Variants in CECR2 observed in about 807,000 individuals in gnomAD.
CECR2 encodes the protein chromatin remodeling regulator CECR2.
CECR2 carries 30 observed loss-of-function variants against 154.5 expected under a neutral mutation model. The ratio of observed to expected loss-of-function variants is 0.19; its 90% CI spans 0.15 to 0.26. The LOEUF (loss-of-function observed/expected upper bound fraction) is 0.26, where lower values mean the gene tolerates loss of function less well. Among genes scored for constraint, CECR2 ranks in the 10% least tolerant of loss-of-function variants. CECR2 has a pLI of 1.00. For missense variants in CECR2, 1,743 were observed against 1,829.3 expected, an observed-to-expected ratio of 0.95 and a Z score of 0.86; for synonymous variants, 725 against 683.7, an observed-to-expected ratio of 1.06 and a Z score of -0.94.
intron 1 of CECR2, among the ~76,000 whole-genome samples, chr22:17,378,431 G>A (rs2063146357): frequency 6.6e-6 from 1 of 150,672 alleles, no homozygotes; most frequent in Non-Finnish European, 1.5e-5. Flanking sequence ...TGAGTAGCTG[G>A]GACTACAGGT....
intron 1 of CECR2, among the ~76,000 whole-genome samples, chr22:17,463,292 A>G (rs954699413): frequency 1.3e-5 from 2 of 152,178 alleles, no homozygotes; most frequent in African/African-American, 2.4e-5. Flanking sequence ...TAGAGGTCAT[A>G]TAAACTTTGG....
intron 1 of CECR2, among the ~76,000 whole-genome samples, chr22:17,441,976 T>C (rs1194470313): frequency 1.3e-5 from 2 of 152,232 alleles, no homozygotes; most frequent in African/African-American, 4.8e-5. Context: ...TCTGAACATA[T>C]TTCTCTGCAG....
chr22:17,447,653 A>T (rs1356233848), intron 1 of CECR2, among the ~76,000 whole-genome samples: 2 of 76,032 alleles, frequency 2.6e-5, no homozygotes, highest in South Asian at 1.5e-3. Flanking sequence ...CCAGAGACTT[A>T]AAAAAAAAAA....
intron 1 of CECR2, among the ~76,000 whole-genome samples, chr22:17,392,910 C>T (rs1216505219): frequency 6.6e-6 from 1 of 151,954 alleles, no homozygotes; most frequent in Non-Finnish European, 1.5e-5. Context: ...TGTGGTGACA[C>T]CCGCCTGTAA....
upstream of CECR2, among the ~76,000 whole-genome samples, chr22:17,368,551 C>G (rs931814070): frequency 3.3e-5 from 5 of 152,184 alleles, no homozygotes; most frequent in Non-Finnish European, 7.3e-5. Context: ...GTTAGCATTT[C>G]TAAAGCACAC....
chr22:17,555,561 C>G lies in CECR2; in HGVS notation c.*2721C>G, dbSNP rs2056763631. ...AACCCCTAGCCCACCCATCCCCAAG[C>G]AGGATCTTCTTCTCACCTTTTCTTC... On this transcript the variant is annotated 3_prime_UTR_variant, in exon 19 of 19. Transcript: ENST00000262608. The G allele has an allele frequency of 6.6e-6, 1 of 152,280 alleles. No homozygotes were observed. The highest frequency in any genetic ancestry group is 1.5e-5 in the Non-Finnish European group (1 of 68,090). The allele number at this position is 152,280 out of a possible 1,614,324, so 9.4% of individuals were successfully genotyped here.
At chr22:17,512,121 C>G (rs763385948) in intron 8 of CECR2, among the ~76,000 whole-genome samples, 1 of 152,126 alleles carries the variant, frequency 6.6e-6, no homozygotes, top group Non-Finnish European at 1.5e-5. Flanking sequence ...GTAGGCATGT[C>G]CACATTTAAT....
intron 1 of CECR2, among the ~76,000 whole-genome samples, chr22:17,472,260 A>T (rs1286963791): frequency 1.3e-5 from 2 of 152,236 alleles, no homozygotes; most frequent in Non-Finnish European, 2.9e-5. Flanking sequence ...GGCATGGGGC[A>T]TGCCTTTGGG....
At position 17,467,692 on chromosome 22, in the gene CECR2, G is replaced by T. The variant is rs1265982930; in HGVS notation, c.127-9896G>T. On this transcript the variant is annotated intron_variant, in intron 1 of 18. Transcript: ENST00000262608. ...AGCTACTTGGGAGGCTGAGGCAGGA[G>T]AATCATTTGAACCTGGGAGGCGGAG... Among the ~76,000 whole-genome samples the T allele has an allele frequency of 2.0e-5, 3 of 152,142 alleles. No individual in the cohort carries two copies. The East Asian group carries it at 5.8e-4, about 29-fold the overall frequency.
At chr22:17,520,074 C>A (rs937014623) in intron 8 of CECR2, among the ~76,000 whole-genome samples, 2 of 152,192 alleles carry the variant, frequency 1.3e-5, no homozygotes, top group African/African-American at 4.8e-5. Context: ...CAGGCGTGAG[C>A]CACCGTGCCT....
chr22:17,541,951 A>G lies in CECR2; in HGVS notation c.1997A>G (p.Gln666Arg), dbSNP rs1319406461. 6.2e-7 allele frequency: 1 copy of G among 1,613,474 alleles called. No individual in the cohort carries two copies. Among genetic ancestry groups the G allele is most frequent in the Non-Finnish European group, 8.5e-7 (1 of 1,179,714 alleles). The change falls in exon 15 of 19, where the codon CAG becomes CGG. Residue 666 changes from glutamine to arginine, a missense_variant. By Grantham distance (43) the Gln-to-Arg change is conservative (BLOSUM62 1). This residue lies in a region of CECR2 where 1,250 missense variants were observed against 1,192.1 expected (regional missense o/e 1.05). Transcript: ENST00000262608. ...PHPGEPVQQR[Q>R]PFTMQPPVGI... ...CCCGGGGAGCCTGTGCAGCAGCGTC[A>G]GCCTTTCACCATGCAGGTAAGCAGC...
chr22:17,471,517 A>ATTG (rs545804185), intron 1 of CECR2, among the ~76,000 whole-genome samples: 1 of 151,030 alleles, frequency 6.6e-6, no homozygotes, highest in East Asian at 1.9e-4. Flanking sequence ...GGGGTTTTTT[A>ATTG]TTGTTGTTGT....
intron 2 of CECR2, among the ~76,000 whole-genome samples, chr22:17,480,276 CACAAAAAGTGTAATCTT>C (rs1601427254): frequency 6.6e-6 from 1 of 151,892 alleles, no homozygotes; most frequent in Non-Finnish European, 1.5e-5. Flanking sequence ...AACTTAAAAC[CACAAAAAGTGTAATCTT>C]ACAGTTTCTG....
intron 14 of CECR2, among the ~76,000 whole-genome samples, chr22:17,541,270 A>G (rs1054564072): frequency 2.0e-5 from 3 of 152,166 alleles, no homozygotes; most frequent in African/African-American, 2.4e-5. Flanking sequence ...CCTAGCTAAC[A>G]TGGTGAAACC....
At chr22:17,499,689 A>T in intron 4 of CECR2, 140 bp downstream of exon 4, 2 of 837,624 alleles carry the variant, frequency 2.4e-6, no homozygotes, top group South Asian at 2.2e-5. Context: ...TGGTAAGGAG[A>T]TACTTCATGC....
At chr22:17,500,208 C>CTCAAA (rs2055710682) in intron 4 of CECR2, among the ~76,000 whole-genome samples, 1 of 116,006 alleles carries the variant, frequency 8.6e-6, no homozygotes, top group African/African-American at 3.1e-5. Context: ...GAGACTCCAT[C>CTCAAA]AAAAAAAAAA....
rs948818238 is a variant in CECR2 at position 17,535,749 on chromosome 22, A to T, written c.1109-1354A>T. 6.8e-4 allele frequency among the ~76,000 whole-genome samples: 103 copies of T among 152,196 alleles called. 1 individual carries two copies. Among genetic ancestry groups the T allele is most frequent in the African/African-American group, 2.4e-3 (100 of 41,552 alleles). ...GAAGTCGAAAAAAAAAATAATTTTT[A>T]AAAATTTAAAATTTTTCTTAAAATT... On this transcript the variant is annotated intron_variant, in intron 9 of 18. Coordinates refer to ENST00000262608, the MANE Select transcript of CECR2 (RefSeq NM_001290047.2).
At position 17,526,042 on chromosome 22, in the gene CECR2, G is replaced by A. The variant is rs78680907; in HGVS notation, c.1108+1771G>A. Among the ~76,000 whole-genome samples the A allele has an allele frequency of 5.9e-3, 904 of 152,156 alleles. 13 individuals are homozygous for A. Among genetic ancestry groups the A allele is most frequent in the African/African-American group, 0.021 (861 of 41,510 alleles). ...AAACTGGAAAGCTTTCTACGTTCATGGATAACAAGAATCAGTATTCTTAAA... is the reference window on the plus strand; with the variant it reads ...AAACTGGAAAGCTTTCTACGTTCATAGATAACAAGAATCAGTATTCTTAAA... On this transcript the variant is annotated intron_variant, in intron 9 of 18. Transcript: ENST00000262608.
chr22:17,398,193 T>C (rs184755951), intron 1 of CECR2, among the ~76,000 whole-genome samples: 5 of 149,366 alleles, frequency 3.3e-5, no homozygotes, highest in Non-Finnish European at 5.9e-5. Context: ...TGCATTTTGG[T>C]ATAACAAAGT....
Sources: allele counts gnomAD v4.1 joint callset (sites outside exome capture counted in the v4.1 genomes callset), GRCh38; gene constraint gnomAD v4.1.1; regional missense constraint gnomAD v4.1.1; transcripts MANE v1.5; gene names NCBI Gene and HGNC (gene_info 2026-07-23, HGNC 2026-07-21).